BSCL2: variants seen among roughly 807,000 people sequenced by gnomAD.
BSCL2 encodes BSCL2 lipid droplet biogenesis associated, seipin.
In BSCL2, 41 loss-of-function variants were observed where a neutral mutation model predicts 57.4. The ratio of observed to expected loss-of-function variants is 0.71; its 90% CI spans 0.56 to 0.93. The LOEUF is 0.93. Ranked by LOEUF, BSCL2 falls within the 40% of genes least tolerant of loss-of-function variation. BSCL2 has a pLI of 0.00. For synonymous variants in BSCL2, 237 were observed against 227.3 expected, an observed-to-expected ratio of 1.04 and a Z score of -0.38; for missense variants, 539 against 586.7, an observed-to-expected ratio of 0.92 and a Z score of 0.84.
intron 2 of BSCL2, 130 bp downstream of exon 2, chr11:62,705,171 T>C (rs939851608): frequency 2.9e-6 from 3 of 1,021,362 alleles, no homozygotes; most frequent in East Asian, 2.6e-5. Context: ...GCTGTGAAAG[T>C]TGAGAGGCCC....
At chr11:62,705,703 CGA>C (rs1243755287) in intron 1 of BSCL2, 86 bp from the exon 2 acceptor site, 30 of 1,271,228 alleles carry the variant, frequency 2.4e-5, no homozygotes, top group African/African-American at 3.0e-5. Flanking sequence ...CTTTGAGGAA[CGA>C]GAGATAGCAG....
chr11:62,705,562 G>C lies in BSCL2; in HGVS notation c.143C>G (p.Ala48Gly). Reference protein sequence around the residue: ...GQGWRPGGRAARNARPEPGAR... With the variant: ...GQGWRPGGRAGRNARPEPGAR... ...CCCAGGTTCAGGCCTTGCGTTCCTAGCTGCTCTGCCACCTGGACGCCACCC... is the reference window on the plus strand; with the variant it reads ...CCCAGGTTCAGGCCTTGCGTTCCTACCTGCTCTGCCACCTGGACGCCACCC... Residue 48 changes from alanine (A) to glycine (G), a missense_variant, in exon 2 of 11, where the codon GCT becomes GGT. This residue lies in a region of BSCL2 where 218 missense variants were observed against 224.8 expected (regional missense o/e 0.97). Transcript: ENST00000360796. The C allele has an allele frequency of 1.3e-6, 2 of 1,598,038 alleles. No homozygotes were observed. The highest frequency in any genetic ancestry group is 1.7e-6 in the Non-Finnish European group (2 of 1,169,594).
In BSCL2 at chr11:62,690,600, G is replaced by A. The variant is rs374197154; in HGVS notation, c.1234+12C>T. 12 of 1,614,016 alleles carry A rather than the reference G, an allele frequency of 7.4e-6. No individual in the cohort carries two copies. The African/African-American group carries it at 1.5e-4, about 20-fold the overall frequency. On this transcript the variant is annotated intron_variant, in intron 10 of 10. Transcript: ENST00000360796. The stretch of plus-strand genomic sequence containing the variant: ...GGGCCCCACCCAGGTCACGCTGCAG[G>A]ATGCCCCTCACCATCACTGGCCTCA...
At chr11:62,707,052 C>G (rs1435261316) in intron 1 of BSCL2, 57 bp downstream of exon 1, 2 of 1,464,936 alleles carry the variant, frequency 1.4e-6, no homozygotes, top group Non-Finnish European at 9.4e-7. Flanking sequence ...GCCCCCTTCA[C>G]GCCAGCCCAC....
chr11:62,702,410 C>T (rs1200499813), intron 3 of BSCL2, 58 bp downstream of exon 3: 5 of 1,482,070 alleles, frequency 3.4e-6, no homozygotes, highest in Non-Finnish European at 4.7e-6. Context: ...TTTCTCAAGT[C>T]TTCCTATTTT....
chr11:62,696,493 G>C (rs1435559668), intron 3 of BSCL2, among the ~76,000 whole-genome samples: 2 of 149,282 alleles, frequency 1.3e-5, no homozygotes, highest in Non-Finnish European at 1.5e-5. Context: ...TTTTTGGAGA[G>C]ACAGGGGTCT....
chr11:62,709,342 G>A (rs1485733248), upstream of BSCL2: 3 of 454,068 alleles, frequency 6.6e-6, no homozygotes, highest in Admixed American at 2.3e-5. Flanking sequence ...TGGCGGGCGC[G>A]AGAGAGCGTC....
chr11:62,690,358 C>A lies in BSCL2; in HGVS notation c.*9G>T, dbSNP rs1945271751. ...AAGTGCTGGAATGTGAGGAGTCTGC[C>A]CCTTTTCTTCAGGAACTAGAGCAGG... is the stretch of plus-strand genomic sequence containing the variant. On this transcript the variant is annotated 3_prime_UTR_variant, in exon 11 of 11. Transcript: ENST00000360796. 4.3e-6 allele frequency: 7 copies of A among 1,613,684 alleles called. No homozygotes were observed. The highest frequency in any genetic ancestry group is 5.9e-6 in the Non-Finnish European group (7 of 1,180,006).
intron 1 of BSCL2, chr11:62,705,822 T>C: frequency 3.4e-6 from 2 of 586,370 alleles, no homozygotes; most frequent in Non-Finnish European, 5.9e-6. Flanking sequence ...CGCCCAGTGC[T>C]AAATCTCCTC....
At chr11:62,708,075 TG>T, upstream of BSCL2, 1 of 586,780 alleles carries the variant, frequency 1.7e-6, no homozygotes, top group South Asian at 2.0e-5. Flanking sequence ...TAATGATCTG[TG>T]GCCCAGGCCA....
intron 1 of BSCL2, chr11:62,706,156 C>T: frequency 1.0e-6 from 1 of 1,004,744 alleles, no homozygotes; most frequent in South Asian, 3.2e-5. Flanking sequence ...CCGCTTCCCG[C>T]CAGTCCCCTC....
chr11:62,701,787 G>A (rs1316466413), intron 3 of BSCL2, among the ~76,000 whole-genome samples: 5 of 149,084 alleles, frequency 3.4e-5, no homozygotes, highest in African/African-American at 1.0e-4. Flanking sequence ...AGCTGAGATC[G>A]CGCCACTGCA....
upstream of BSCL2, chr11:62,709,536 T>C (rs1817403799): frequency 2.2e-6 from 1 of 450,938 alleles, no homozygotes; most frequent in Admixed American, 2.4e-5. Flanking sequence ...GGAGCTTGGC[T>C]TCAGTTACCG....
intron 3 of BSCL2, among the ~76,000 whole-genome samples, chr11:62,696,278 T>TGTG (rs371756427): frequency 3.3e-4 from 45 of 136,322 alleles, no homozygotes; most frequent in African/African-American, 8.3e-4. Context: ...CATAAACTTT[T>TGTG]TGTGTGTGTG....
In BSCL2 at chr11:62,690,652, G is replaced by A. The variant is rs1233494509; in HGVS notation, c.1194C>T (p.Pro398=). 6.2e-7 allele frequency: 1 copy of A among 1,613,924 alleles called. No individual in the cohort carries two copies. Among genetic ancestry groups the A allele is most frequent in the Admixed American group, 1.7e-5 (1 of 60,024 alleles). Residue 398 remains proline (P), a synonymous_variant, in exon 10 of 11, where the codon CCC becomes CCT. Coordinates refer to ENST00000360796, the MANE Select transcript of BSCL2 (RefSeq NM_001122955.4). ...LSEEEKPDQQ[P]LSGEEELEPE... ...GCTCTAGCTCCTCTTCTCCGCTCAG[G>A]GGCTGCTGATCTGGTTTCTCCTCCT...
intron 3 of BSCL2, among the ~76,000 whole-genome samples, chr11:62,699,675 G>GTTTTTTTTT (rs71056548): frequency 1.1e-5 from 1 of 87,210 alleles, no homozygotes. Context: ...ATCCTATCTG[G>GTTTTTTTTT]TTTTTTTTTT....
intron 10 of BSCL2, 25 bp from the exon 11 acceptor site, chr11:62,690,546 A>T (rs751300763): frequency 1.2e-5 from 19 of 1,613,990 alleles, no homozygotes; most frequent in Non-Finnish European, 1.1e-5. Flanking sequence ...GGAAAAACAA[A>T]ATCTCAAATG....
intron 3 of BSCL2, among the ~76,000 whole-genome samples, chr11:62,696,457 CACATGCAACT>C (rs1945465804): frequency 7.3e-6 from 1 of 137,540 alleles, no homozygotes; most frequent in Admixed American, 8.4e-5. Context: ...CACATGCAAC[CACATGCAACT>C]AAAAATTTTT....
At position 62,691,126 on chromosome 11, in the gene BSCL2, T is replaced by C. The variant is rs1223053833; in HGVS notation, c.1021A>G (p.Arg341Gly). The part of the protein sequence containing the change: ...RFSLQVNIRK[R>G]DNSRKEVQRR... Reference sequence around the variant, plus strand: ...TGGACTTCCTTCCGGGAATTGTCTCTTTTTCGGATGTTAACCTGTGGAGGA... The same window carrying C: ...TGGACTTCCTTCCGGGAATTGTCTCCTTTTCGGATGTTAACCTGTGGAGGA... The change falls in exon 8 of 11, where the codon AGA becomes GGA. Residue 341 changes from arginine to glycine, a missense_variant. Around this residue, in one of 3 missense-constraint regions of BSCL2, gnomAD observed 248 missense variants for 239.9 expected, o/e 1.03. Transcript: ENST00000360796. 2 of 1,614,128 alleles carry C rather than the reference T, an allele frequency of 1.2e-6. No individual in the cohort carries two copies. Among genetic ancestry groups the C allele is most frequent in the African/African-American group, 2.7e-5 (2 of 74,938 alleles).
Sources: gnomAD v4.1 joint callset for allele counts (sites outside exome capture counted in the v4.1 genomes callset) on GRCh38, gnomAD v4.1.1 for gene constraint, gnomAD v4.1.1 regional missense constraint, MANE v1.5 for transcripts, NCBI Gene and HGNC (gene_info 2026-07-23, HGNC 2026-07-21) for gene names.